CA10: variants seen among roughly 807,000 people sequenced by gnomAD.
CA10 encodes the protein carbonic anhydrase-related protein 10.
A neutral mutation model predicts 44.2 loss-of-function variants in CA10; 14 were observed. The ratio of observed to expected loss-of-function variants is 0.32; its 90% CI spans 0.21 to 0.50. CA10 has a LOEUF of 0.50. Among genes scored for constraint, CA10 ranks in the 20% least tolerant of loss-of-function variants. The pLI is 0.99. For missense variants in CA10, 350 were observed against 409.7 expected (o/e 0.85, Z 1.26); for synonymous variants, 159 against 141.6 (o/e 1.12, Z -0.87).
intron 1 of CA10, among the ~76,000 whole-genome samples, chr17:52,073,392 T>C (rs1275672611): frequency 2.0e-5 from 3 of 152,178 alleles, no homozygotes; most frequent in Non-Finnish European, 2.9e-5. Context: ...AAGCTTGGAC[T>C]GTTTAGCTTC....
intron 3 of CA10, among the ~76,000 whole-genome samples, chr17:51,822,023 T>C (rs1283231601): frequency 1.3e-5 from 2 of 152,150 alleles, no homozygotes; most frequent in African/African-American, 4.8e-5. Flanking sequence ...CCTGAGAGTT[T>C]TTACAGAGAC....
At chr17:51,750,359 TTA>T (rs1432650634) in intron 3 of CA10, among the ~76,000 whole-genome samples, 2 of 152,196 alleles carry the variant, frequency 1.3e-5, no homozygotes, top group Admixed American at 6.5e-5. Flanking sequence ...TATATGTATA[TTA>T]TATATGACTT....
chr17:52,108,225 T>TAAAA (rs1988711141), intron 1 of CA10, among the ~76,000 whole-genome samples: 1 of 142,562 alleles, frequency 7.0e-6, no homozygotes, highest in Non-Finnish European at 1.5e-5. Flanking sequence ...TATATATATA[T>TAAAA]AATATGTATA....
At chr17:52,051,244 G>A (rs770954668) in intron 2 of CA10, among the ~76,000 whole-genome samples, 1 of 152,030 alleles carries the variant, frequency 6.6e-6, no homozygotes, top group Non-Finnish European at 1.5e-5. Context: ...CATGGGCAAA[G>A]ATTTCATGAT....
chr17:52,096,650 T>C (rs1410592935), intron 1 of CA10, among the ~76,000 whole-genome samples: 1 of 152,178 alleles, frequency 6.6e-6, no homozygotes, highest in Non-Finnish European at 1.5e-5. Flanking sequence ...GCCATTGATA[T>C]TTTGCTAAAT....
chr17:51,733,485 T>C (rs1466047558), intron 4 of CA10, among the ~76,000 whole-genome samples: 2 of 152,134 alleles, frequency 1.3e-5, no homozygotes. Context: ...GGAATCAACT[T>C]GTTCTTTAAT....
intron 3 of CA10, among the ~76,000 whole-genome samples, chr17:51,837,352 G>A (rs1271077498): frequency 6.6e-6 from 1 of 152,174 alleles, no homozygotes; most frequent in Non-Finnish European, 1.5e-5. Flanking sequence ...TTACAGTGGG[G>A]ATGACGTGAG....
At chr17:51,707,671 A>ATGTATGTGTGTGTG (rs1555587853) in intron 4 of CA10, among the ~76,000 whole-genome samples, 56 of 143,006 alleles carry the variant, frequency 3.9e-4, no homozygotes, top group African/African-American at 1.5e-3. Context: ...GTGGATGAAT[A>ATGTATGTGTGTGTG]TGTGTGTGTG....
intron 3 of CA10, among the ~76,000 whole-genome samples, chr17:51,884,209 C>G (rs908325271): frequency 6.6e-6 from 1 of 152,152 alleles, no homozygotes; most frequent in Non-Finnish European, 1.5e-5. Flanking sequence ...TTTCACTGGA[C>G]ACCTGGACTC....
intron 4 of CA10, among the ~76,000 whole-genome samples, chr17:51,739,018 C>T (rs141715882): frequency 2.2e-3 from 333 of 152,136 alleles, no homozygotes; most frequent in African/African-American, 7.9e-3. Context: ...TCAAAAGTTC[C>T]TCCTCTGACA....
intron 3 of CA10, among the ~76,000 whole-genome samples, chr17:51,822,422 CAAAACA>C (rs138516693): frequency 0.06 from 8,976 of 150,484 alleles, 659 homozygotes; most frequent in African/African-American, 0.18. Flanking sequence ...CTCAAAAAAA[CAAAACA>C]AAAACAAAAA....
intron 2 of CA10, among the ~76,000 whole-genome samples, chr17:51,980,900 A>G (rs1436179709): frequency 6.6e-6 from 1 of 152,090 alleles, no homozygotes; most frequent in Non-Finnish European, 1.5e-5. Context: ...GTTATTTACA[A>G]CTAGACAACA....
chr17:51,799,073 T>C (rs759340917), intron 3 of CA10, among the ~76,000 whole-genome samples: 1 of 152,186 alleles, frequency 6.6e-6, no homozygotes, highest in Non-Finnish European at 1.5e-5. Context: ...CATAGCTACT[T>C]GGTCAAAGGA....
intron 2 of CA10, among the ~76,000 whole-genome samples, chr17:52,049,861 G>T (rs910126292): frequency 1.3e-5 from 2 of 152,054 alleles, no homozygotes; most frequent in Admixed American, 1.3e-4. Context: ...GATTATACTG[G>T]AATACCATAT....
rs142937597 is a variant in CA10 at position 52,069,653 on chromosome 17, C to T, written c.136+2666G>A. ...ATGTGTGAGTTACCTGTTTATTAACCGCCCAAACTTGGTGCTCAGCACAAG... is the reference window on the plus strand; with the variant it reads ...ATGTGTGAGTTACCTGTTTATTAACTGCCCAAACTTGGTGCTCAGCACAAG... On this transcript the variant is annotated intron_variant, in intron 2 of 8. Transcript: ENST00000451037. Among the ~76,000 whole-genome samples, 729 of 152,204 alleles carry T rather than the reference C, an allele frequency of 4.8e-3. 4 individuals are homozygous for T. The highest frequency in any genetic ancestry group is 0.016 in the African/African-American group (674 of 41,514).
At chr17:51,856,076 A>T (rs1979027419) in intron 3 of CA10, among the ~76,000 whole-genome samples, 1 of 152,174 alleles carries the variant, frequency 6.6e-6, no homozygotes, top group Non-Finnish European at 1.5e-5. Context: ...TAAGCTGAAG[A>T]GGGTATTAGG....
intron 1 of CA10, among the ~76,000 whole-genome samples, chr17:52,087,451 G>A (rs1396496132): frequency 1.3e-5 from 2 of 152,094 alleles, no homozygotes; most frequent in Non-Finnish European, 2.9e-5. Context: ...CCCTTTCCTT[G>A]TATTTAAATG....
At chr17:51,800,453 C>T (rs1416091479) in intron 3 of CA10, among the ~76,000 whole-genome samples, 1 of 152,030 alleles carries the variant, frequency 6.6e-6, no homozygotes, top group African/African-American at 2.4e-5. Flanking sequence ...ACAAAAAAAA[C>T]ATTAAATTAT....
rs1033040783 is a variant in CA10, at chr17:51,759,160, T to C, written c.280-11342A>G. Among the ~76,000 whole-genome samples the C allele has an allele frequency of 4.6e-5, 7 of 152,244 alleles. No individual in the cohort carries two copies. The South Asian group carries it at 1.4e-3, about 32-fold the overall frequency. ...TGTTGGTTGTCTGGATCAATTTTTTTTTCTTACTTCTTAGTGAGTGGCTGG... is the reference window on the plus strand; with the variant it reads ...TGTTGGTTGTCTGGATCAATTTTTTCTTCTTACTTCTTAGTGAGTGGCTGG... On this transcript the variant is annotated intron_variant, in intron 3 of 8. Coordinates refer to ENST00000451037, the MANE Select transcript of CA10 (RefSeq NM_020178.5).
Sources: allele counts gnomAD v4.1 joint callset (sites outside exome capture counted in the v4.1 genomes callset), GRCh38; gene constraint gnomAD v4.1.1; transcripts MANE v1.5; gene names NCBI Gene and HGNC (gene_info 2026-07-23, HGNC 2026-07-21).